The following SIK2 variants were observed in gnomAD, a reference collection of about 807,000 sequenced individuals.
The protein encoded by SIK2 is serine/threonine-protein kinase SIK2.
In SIK2, 29 loss-of-function variants were observed where a neutral mutation model predicts 103.2. The observed-to-expected ratio is 0.28, with a 90% CI of 0.21 to 0.38. The LOEUF (loss-of-function observed/expected upper bound fraction) is 0.38. Ranked by LOEUF, SIK2 falls within the 10% of genes least tolerant of loss-of-function variation. SIK2 has a pLI of 1.00. For missense variants in SIK2, 879 were observed against 1,171.0 expected, an observed-to-expected ratio of 0.75 and a Z score of 3.64; for synonymous variants, 412 against 446.1, an observed-to-expected ratio of 0.92 and a Z score of 0.96.
intron 3 of SIK2, among the ~76,000 whole-genome samples, chr11:111,685,976 A>G (rs568653487): frequency 4.6e-5 from 7 of 152,362 alleles, no homozygotes; most frequent in East Asian, 3.9e-4. Context: ...TTCAGTCACC[A>G]GTTGTACAAA....
At chr11:111,706,253 T>C (rs1383270589) in intron 8 of SIK2, among the ~76,000 whole-genome samples, 1 of 152,226 alleles carries the variant, frequency 6.6e-6, no homozygotes. Flanking sequence ...TATAAAGTAA[T>C]AAATAATTGC....
intron 3 of SIK2, among the ~76,000 whole-genome samples, chr11:111,655,443 G>C (rs1331707354): frequency 6.6e-6 from 1 of 152,144 alleles, no homozygotes; most frequent in African/African-American, 2.4e-5. Context: ...TCCTTTGTTT[G>C]CCTTATTTAC....
At chr11:111,693,297 GC>G (rs1942993773) in intron 4 of SIK2, among the ~76,000 whole-genome samples, 1 of 150,666 alleles carries the variant, frequency 6.6e-6, no homozygotes, top group African/African-American at 2.4e-5. Context: ...TTGTGCCACT[GC>G]CCTCCAGCCT....
chr11:111,667,737 C>T (rs1354290234), intron 3 of SIK2, among the ~76,000 whole-genome samples: 3 of 152,034 alleles, frequency 2.0e-5, no homozygotes, highest in African/African-American at 7.2e-5. Flanking sequence ...AAGTGATCTG[C>T]CCATCTTGGC....
chr11:111,642,524 C>T (rs1011074642), intron 3 of SIK2, among the ~76,000 whole-genome samples: 2 of 152,274 alleles, frequency 1.3e-5, no homozygotes, highest in South Asian at 2.1e-4. Flanking sequence ...GCTTCCATGC[C>T]TCTGGGATGC....
intron 3 of SIK2, among the ~76,000 whole-genome samples, chr11:111,627,273 C>T (rs542766073): frequency 5.9e-4 from 90 of 152,178 alleles, no homozygotes; most frequent in Non-Finnish European, 1.2e-3. Flanking sequence ...GTACATTAGT[C>T]CCCCCTATCA....
At chr11:111,670,849 C>A (rs1942615502) in intron 3 of SIK2, 1 of 152,862 alleles carries the variant, frequency 6.5e-6, no homozygotes, top group African/African-American at 2.4e-5. Flanking sequence ...GGCTGAGCCT[C>A]AGGTGGGTTT....
Position 111,616,332 on chromosome 11 carries a change from C to G in SIK2, c.225C>G (p.Asp75Glu). Residue 75 changes from aspartate to glutamate, a missense_variant, in exon 2 of 15, where the codon GAC (aspartate) becomes GAG (glutamate). By Grantham distance (45) the Asp-to-Glu change is conservative. Around this residue, in one of 7 missense-constraint regions of SIK2, gnomAD observed 126 missense variants for 245.5 expected, o/e 0.51. Transcript: ENST00000304987. ...YREVQIMKMLDHPHIIKLYQV... is the reference protein window; with the variant it reads ...YREVQIMKMLEHPHIIKLYQV... ...AAGTACAAATAATGAAAATGTTAGACCACCCTCACATAATCAAACTTTATC... is the reference window on the plus strand; with the variant it reads ...AAGTACAAATAATGAAAATGTTAGAGCACCCTCACATAATCAAACTTTATC... 1 of 1,610,060 alleles carries G rather than the reference C, an allele frequency of 6.2e-7. No individual in the cohort carries two copies. The highest frequency in any genetic ancestry group is 1.1e-5 in the South Asian group (1 of 90,960).
In SIK2 at chr11:111,718,075, T is replaced by C. The variant is rs570499082; in HGVS notation, c.1267-1700T>C. ...GCACACGTACCCTGGAACTTAAAAA[T>C]TGAAGAAAAAAAAAGAACTTGCTTA... On this transcript the variant is annotated intron_variant, in intron 9 of 14. Transcript: ENST00000304987. Among the ~76,000 whole-genome samples, 5 of 151,962 alleles carry C rather than the reference T, an allele frequency of 3.3e-5. No homozygotes were observed. In the South Asian group the frequency reaches 1.0e-3, roughly 32 times the overall value.
At chr11:111,707,051 G>A (rs989824054) in intron 8 of SIK2, among the ~76,000 whole-genome samples, 5 of 151,926 alleles carry the variant, frequency 3.3e-5, no homozygotes, top group African/African-American at 1.2e-4. Flanking sequence ...GTATCTTTGA[G>A]CACTTGGAAA....
intron 3 of SIK2, among the ~76,000 whole-genome samples, chr11:111,631,460 T>G (rs955201256): frequency 1.1e-4 from 17 of 152,026 alleles, no homozygotes; most frequent in African/African-American, 3.4e-4. Flanking sequence ...AGGATTAGAA[T>G]GGTGGAAGAT....
chr11:111,710,360 C>G (rs745645630), intron 8 of SIK2, among the ~76,000 whole-genome samples: 1 of 152,160 alleles, frequency 6.6e-6, no homozygotes, highest in Admixed American at 6.6e-5. Flanking sequence ...TGTTTTGGGG[C>G]ATCCATACCA....
intron 9 of SIK2, among the ~76,000 whole-genome samples, chr11:111,715,939 G>C (rs536771471): frequency 3.3e-5 from 5 of 151,700 alleles, no homozygotes; most frequent in African/African-American, 1.2e-4. Context: ...GTAGCTGGGA[G>C]TACAGGCGCC....
rs1052521733 is a variant in SIK2, at chr11:111,701,588, T to C, written c.727+13T>C. 1.9e-6 allele frequency: 3 copies of C among 1,613,166 alleles called. No individual in the cohort carries two copies. The African/African-American group carries it at 4.0e-5, about 22-fold the overall frequency. On this transcript the variant is annotated intron_variant, in intron 6 of 14. Transcript: ENST00000304987. The surrounding 1 kb of genome is among the most constrained non-coding windows in gnomAD (Gnocchi z 4.2). ...TTCATGTCAGAAGGTAATCAACTTTTCATCTTATTAATGGTGTTTTACAGT... is the reference window on the plus strand; with the variant it reads ...TTCATGTCAGAAGGTAATCAACTTTCCATCTTATTAATGGTGTTTTACAGT...
chr11:111,646,332 C>G (rs1942257145), intron 3 of SIK2, among the ~76,000 whole-genome samples: 1 of 152,042 alleles, frequency 6.6e-6, no homozygotes, highest in South Asian at 2.1e-4. Context: ...GCCTGTAATC[C>G]CAGCTACTTG....
intron 4 of SIK2, among the ~76,000 whole-genome samples, chr11:111,696,367 C>T (rs1456545987): frequency 6.6e-6 from 1 of 152,092 alleles, no homozygotes; most frequent in Non-Finnish European, 1.5e-5. Context: ...AAAATGTTAA[C>T]ATTAGAGGAA....
Position 111,724,350 on chromosome 11 carries a change from T to A in SIK2, c.*221T>A. The A allele has an allele frequency of 1.6e-6, 1 of 611,866 alleles. No homozygotes were observed. 37.9% of individuals were successfully genotyped at this position (611,866 alleles called of 1,614,324 possible). ...TGTGGCAAGTGCTGGAACATAGTTG[T>A]AGGCTGAGGCTCCTGCCCTTCGGTC... On this transcript the variant is annotated 3_prime_UTR_variant, in exon 15 of 15. Coordinates refer to ENST00000304987, the MANE Select transcript of SIK2 (RefSeq NM_015191.3).
chr11:111,633,607 T>C (rs1344920991), intron 3 of SIK2, among the ~76,000 whole-genome samples: 2 of 152,126 alleles, frequency 1.3e-5, no homozygotes, highest in East Asian at 1.9e-4. Context: ...AGGGAGAAAA[T>C]TGGCTTCCTC....
At position 111,701,374 on chromosome 11, in the gene SIK2, AG is replaced by A; in HGVS notation, c.604-77del. On this transcript the variant is annotated intron_variant, in intron 5 of 14. Transcript: ENST00000304987. This position sits in a 1 kb window ranked among gnomAD's most constrained non-coding sequence, Gnocchi z 4.2. ...ATTTTTCAGTCCATATGATTTCAAGAGCCCTGGGGATGTTCAGGAAAACAAA... is the reference window on the plus strand; with the variant it reads ...ATTTTTCAGTCCATATGATTTCAAGACCCTGGGGATGTTCAGGAAAACAAA... 1.3e-6 allele frequency: 2 copies of A among 1,506,510 alleles called. No individual in the cohort carries two copies. The highest frequency in any genetic ancestry group is 1.8e-6 in the Non-Finnish European group (2 of 1,120,318). The allele number at this position is 1,506,510 out of a possible 1,614,324, so 93.3% of individuals were successfully genotyped here. A position where few individuals can be genotyped will look rare whatever the true frequency, so the allele number is the denominator to read the frequency against.
Sources: gnomAD v4.1 joint callset for allele counts (sites outside exome capture counted in the v4.1 genomes callset) on GRCh38, gnomAD v4.1.1 for gene constraint, gnomAD v4.1.1 regional missense constraint, Gnocchi (gnomAD v3.1) non-coding constraint, MANE v1.5 for transcripts, NCBI Gene and HGNC (gene_info 2026-07-23, HGNC 2026-07-21) for gene names.